The following MRPS27 variants were observed in gnomAD, a reference collection of about 807,000 sequenced individuals.
MRPS27 encodes the protein small ribosomal subunit protein mS27.
A neutral mutation model predicts 48.9 loss-of-function variants in MRPS27; 43 were observed. That is an observed-to-expected ratio of 0.88 (90% CI 0.69 to 1.13). The LOEUF is 1.13. Among genes scored for constraint, MRPS27 ranks in the 50% most tolerant of loss-of-function variants. The probability of loss-of-function intolerance (pLI) is 0.00; values close to 1 mark genes in which losing one functional copy is unlikely to be tolerated. For synonymous variants in MRPS27, 188 were observed against 171.9 expected (o/e 1.09, Z -0.73); for missense variants, 467 against 476.3 (o/e 0.98, Z 0.18).
intron 6 of MRPS27, among the ~76,000 whole-genome samples, chr5:72,233,178 A>C (rs1228306596): frequency 6.6e-6 from 1 of 152,204 alleles, no homozygotes; most frequent in Non-Finnish European, 1.5e-5. Context: ...CTCAGTTTAA[A>C]ATACTTGTTG....
intron 4 of MRPS27, among the ~76,000 whole-genome samples, chr5:72,260,614 T>C (rs1748938773): frequency 6.6e-6 from 1 of 152,194 alleles, no homozygotes; most frequent in Admixed American, 6.5e-5. Context: ...ATTCTGTTTT[T>C]CTTTTTGTGC....
At chr5:72,316,828 G>A (rs1750575846) in intron 1 of MRPS27, among the ~76,000 whole-genome samples, 1 of 151,786 alleles carries the variant, frequency 6.6e-6, no homozygotes, top group South Asian at 2.1e-4. Flanking sequence ...TCGGGAGTTC[G>A]AGGCGAGCCT....
chr5:72,284,259 A>C (rs1420102405), intron 4 of MRPS27, among the ~76,000 whole-genome samples: 2 of 151,272 alleles, frequency 1.3e-5, no homozygotes, highest in African/African-American at 4.8e-5. Context: ...AAAAAAAAAA[A>C]AAAAACACCA....
At chr5:72,236,995 T>C (rs1435780842) in intron 5 of MRPS27, among the ~76,000 whole-genome samples, 3 of 151,368 alleles carry the variant, frequency 2.0e-5, no homozygotes, top group Admixed American at 1.3e-4. Flanking sequence ...TCACAGCTCA[T>C]TGCAGTCTCC....
intron 1 of MRPS27, among the ~76,000 whole-genome samples, chr5:72,315,652 G>C (rs1750547690): frequency 6.6e-6 from 1 of 151,700 alleles, no homozygotes; most frequent in East Asian, 1.9e-4. Flanking sequence ...TTTGCCATTA[G>C]AGAAATGCAA....
intron 2 of MRPS27, among the ~76,000 whole-genome samples, chr5:72,303,882 C>CAAA (rs397818748): frequency 1.1e-3 from 77 of 69,124 alleles, no homozygotes; most frequent in East Asian, 2.1e-3. Context: ...GACCTCATCT[C>CAAA]AAAAAAAAAA....
chr5:72,225,971 G>T, intron 9 of MRPS27, 86 bp downstream of exon 9: 1 of 1,475,522 alleles, frequency 6.8e-7, no homozygotes, highest in Non-Finnish European at 9.2e-7. Context: ...AGTAGGGGTA[G>T]TGGAAAGACA....
At position 72,292,203 on chromosome 5, in the gene MRPS27, G is replaced by GTTT. The variant is rs1213885749; in HGVS notation, c.281+3325_281+3327dup. 7.0e-3 allele frequency among the ~76,000 whole-genome samples: 642 copies of GTTT among 92,114 alleles called. 15 individuals are homozygous for GTTT. Among genetic ancestry groups the GTTT allele is most frequent in the African/African-American group, 0.027 (600 of 22,476 alleles). 60.4% of individuals were successfully genotyped at this position (92,114 alleles called of 152,430 possible). On this transcript the variant is annotated intron_variant, in intron 4 of 10. Transcript: ENST00000261413. ...TTTTCCTTTTATATGGGTATTACCA[G>GTTT]TTTTTTTTTTTTTTTTTTTTTGGCC... is the stretch of plus-strand genomic sequence containing the variant.
chr5:72,255,476 A>G (rs1317273134), intron 4 of MRPS27, among the ~76,000 whole-genome samples: 1 of 152,220 alleles, frequency 6.6e-6, no homozygotes, highest in African/African-American at 2.4e-5. Context: ...AACACTCATC[A>G]GGAAATACTA....
In MRPS27 at chr5:72,291,612, T is replaced by C. The variant is rs1002557599; in HGVS notation, c.281+3919A>G. On this transcript the variant is annotated intron_variant, in intron 4 of 10. Transcript: ENST00000261413. The stretch of plus-strand genomic sequence containing the variant: ...AAAGACACAGATGCTGTTAATATTA[T>C]AGTCATCTGCTGCCTACATTCATAA... 9.2e-5 allele frequency among the ~76,000 whole-genome samples: 14 copies of C among 152,266 alleles called. 1 individual carries two copies. The South Asian group carries it at 2.9e-3, about 31-fold the overall frequency.
intron 9 of MRPS27, among the ~76,000 whole-genome samples, chr5:72,225,435 G>T (rs966472677): frequency 1.3e-5 from 2 of 152,178 alleles, no homozygotes; most frequent in Non-Finnish European, 2.9e-5. Flanking sequence ...AGCTGCCTGT[G>T]GGGTGTAAGG....
rs530262395 is a variant in MRPS27, at chr5:72,279,959, G to A, written c.281+15572C>T. On this transcript the variant is annotated intron_variant, in intron 4 of 10. Transcript: ENST00000261413. ...TTTCCCATATAATTGTTAGATTATCGATTGTCTAAGTAGCATTTATTAACT... is the reference window on the plus strand; with the variant it reads ...TTTCCCATATAATTGTTAGATTATCAATTGTCTAAGTAGCATTTATTAACT... Among the ~76,000 whole-genome samples the A allele has an allele frequency of 2.7e-4, 41 of 152,112 alleles. 1 individual carries two copies. The highest frequency in any genetic ancestry group is 5.7e-4 in the Non-Finnish European group (39 of 67,976).
At chr5:72,230,860 C>T (rs1026728053) in intron 7 of MRPS27, among the ~76,000 whole-genome samples, 5 of 152,116 alleles carry the variant, frequency 3.3e-5, no homozygotes, top group Non-Finnish European at 5.9e-5. Context: ...GAATATGTGA[C>T]CCCTGCTTCC....
At chr5:72,253,485 T>C (rs936625487) in intron 4 of MRPS27, among the ~76,000 whole-genome samples, 6 of 152,208 alleles carry the variant, frequency 3.9e-5, no homozygotes, top group African/African-American at 1.2e-4. Flanking sequence ...AAATAAAATT[T>C]CTTGCATAAG....
At chr5:72,231,996 G>A (rs978417652) in intron 7 of MRPS27, among the ~76,000 whole-genome samples, 5 of 152,072 alleles carry the variant, frequency 3.3e-5, no homozygotes, top group Non-Finnish European at 5.9e-5. Context: ...TTAAACATGC[G>A]AACCTAAGAT....
Position 72,237,964 on chromosome 5 carries a change from A to G in MRPS27, c.396+50T>C, listed in dbSNP as rs759386933. 7 of 1,314,996 alleles carry G rather than the reference A, an allele frequency of 5.3e-6. 1 individual carries two copies. In the Middle Eastern group the frequency reaches 5.5e-4, roughly 103 times the overall value. 81.5% of individuals were successfully genotyped at this position (1,314,996 alleles called of 1,614,324 possible). On this transcript the variant is annotated intron_variant, in intron 5 of 10. Transcript: ENST00000261413. ...CTGTACTACAATAGGTACAAACACC[A>G]TATCACCTAAACTCAGGAAAACAGG...
intron 2 of MRPS27, among the ~76,000 whole-genome samples, chr5:72,308,140 C>T (rs960969164): frequency 6.6e-6 from 1 of 152,174 alleles, no homozygotes; most frequent in Non-Finnish European, 1.5e-5. Context: ...GCGTCCACCG[C>T]GGCCCCGGCG....
At position 72,232,451 on chromosome 5, in the gene MRPS27, C is replaced by T. The variant is rs775578897; in HGVS notation, c.583G>A (p.Asp195Asn). ...VLFHCLAKKT[D>N]FSWEEERNFG... ...TAGGGAAGATCACTTACACTGAAGT[C>T]TGTCTTCTTTGCCAGGCAATGAAAT... Residue 195 changes from aspartate (D) to asparagine (N), a missense_variant, in exon 7 of 11, where the codon GAC becomes AAC. Transcript: ENST00000261413. 6 of 1,609,224 alleles carry T rather than the reference C, an allele frequency of 3.7e-6. No homozygotes were observed. In the South Asian group the frequency reaches 6.6e-5, roughly 18 times the overall value.
At chr5:72,307,740 C>T (rs555470066) in intron 2 of MRPS27, among the ~76,000 whole-genome samples, 17 of 152,186 alleles carry the variant, frequency 1.1e-4, no homozygotes, top group African/African-American at 4.1e-4. Flanking sequence ...TAAGTGGGGG[C>T]CGCAATAAGG....
Sources: allele counts gnomAD v4.1 joint callset (sites outside exome capture counted in the v4.1 genomes callset), GRCh38; gene constraint gnomAD v4.1.1; transcripts MANE v1.5; gene names NCBI Gene and HGNC (gene_info 2026-07-23, HGNC 2026-07-21).